The following EFNA5 variants were observed in gnomAD, a reference collection of about 807,000 sequenced individuals.
EFNA5 encodes the protein ephrin-A5.
A neutral mutation model predicts 22.9 loss-of-function variants in EFNA5; 5 were observed. That is an observed-to-expected ratio of 0.22 (90% CI 0.11 to 0.46). EFNA5 has a LOEUF of 0.46. Ranked by LOEUF, EFNA5 falls within the 20% of genes least tolerant of loss-of-function variation. The pLI is 0.99. For missense variants in EFNA5, 237 were observed against 293.3 expected (o/e 0.81, Z 1.40); for synonymous variants, 113 against 112.2 (o/e 1.01, Z -0.04).
chr5:107,466,414 T>C (rs1237949288), intron 1 of EFNA5, among the ~76,000 whole-genome samples: 1 of 151,844 alleles, frequency 6.6e-6, no homozygotes, highest in East Asian at 1.9e-4. Context: ...CTGGGAAAGG[T>C]TTCTCTCTCC....
At chr5:107,615,393 G>A (rs977000079) in intron 1 of EFNA5, among the ~76,000 whole-genome samples, 15 of 152,168 alleles carry the variant, frequency 9.9e-5, no homozygotes, top group Middle Eastern at 3.4e-3. Context: ...AAACATTCAG[G>A]GGGAGGGGGG....
chr5:107,663,226 A>G (rs887563868), intron 1 of EFNA5, among the ~76,000 whole-genome samples: 3 of 70,124 alleles, frequency 4.3e-5, no homozygotes, highest in Non-Finnish European at 7.9e-5. Flanking sequence ...CTAGGGGGGA[A>G]AAAAAACACG....
chr5:107,605,669 G>A lies in EFNA5; in HGVS notation c.125+64820C>T, dbSNP rs1394619323. On this transcript the variant is annotated intron_variant, in intron 1 of 4. Coordinates refer to ENST00000333274, the MANE Select transcript of EFNA5 (RefSeq NM_001962.3). ...TTTTTTTGGGGTGCAAAAGTGGTTC[G>A]TTGATCCATATGTATTTCAACAGGC... 2.0e-5 allele frequency among the ~76,000 whole-genome samples: 3 copies of A among 151,330 alleles called. 1 individual carries two copies. The highest frequency in any genetic ancestry group is 4.2e-4 in the South Asian group (2 of 4,810).
At chr5:107,424,428 G>A (rs949296321) in intron 2 of EFNA5, among the ~76,000 whole-genome samples, 1 of 150,780 alleles carries the variant, frequency 6.6e-6, no homozygotes, top group Non-Finnish European at 1.5e-5. Context: ...CTCTTGGCCA[G>A]GCTGGTCTTG....
chr5:107,561,405 A>G (rs145000129), intron 1 of EFNA5, among the ~76,000 whole-genome samples: 3,343 of 152,214 alleles, frequency 0.022, 52 homozygotes, highest in Non-Finnish European at 0.033. Flanking sequence ...GTCTTGCTCT[A>G]TCACCCAGGC....
intron 1 of EFNA5, among the ~76,000 whole-genome samples, chr5:107,484,572 G>A (rs908442973): frequency 1.3e-5 from 2 of 152,186 alleles, no homozygotes; most frequent in African/African-American, 4.8e-5. Context: ...GTGAGCCAAT[G>A]AGACAAACTG....
At chr5:107,501,382 A>T (rs1561414385) in intron 1 of EFNA5, among the ~76,000 whole-genome samples, 1 of 152,200 alleles carries the variant, frequency 6.6e-6, no homozygotes, top group Non-Finnish European at 1.5e-5. Flanking sequence ...AACAATCATT[A>T]TGTGGTTTAA....
chr5:107,585,365 C>T (rs929881120), intron 1 of EFNA5, among the ~76,000 whole-genome samples: 1 of 152,148 alleles, frequency 6.6e-6, no homozygotes, highest in African/African-American at 2.4e-5. Context: ...TCCTTATACC[C>T]TAAATTTCTT....
intron 1 of EFNA5, among the ~76,000 whole-genome samples, chr5:107,549,976 G>A (rs531926433): frequency 6.6e-6 from 1 of 152,240 alleles, no homozygotes; most frequent in Non-Finnish European, 1.5e-5. Flanking sequence ...TAAGGTATTT[G>A]TCTACCTTTC....
At chr5:107,668,183 T>G (rs1008818188) in intron 1 of EFNA5, among the ~76,000 whole-genome samples, 2 of 152,210 alleles carry the variant, frequency 1.3e-5, no homozygotes, top group African/African-American at 4.8e-5. Flanking sequence ...TTGGCCATTA[T>G]CAAACTGATA....
chr5:107,613,810 C>T (rs1749866315), intron 1 of EFNA5, among the ~76,000 whole-genome samples: 2 of 152,056 alleles, frequency 1.3e-5, no homozygotes, highest in African/African-American at 4.8e-5. Flanking sequence ...TCTAACAGCT[C>T]TTCATTTCAA....
At chr5:107,448,069 T>G (rs1379081609) in intron 1 of EFNA5, among the ~76,000 whole-genome samples, 1 of 152,142 alleles carries the variant, frequency 6.6e-6, no homozygotes, top group African/African-American at 2.4e-5. Context: ...GTGCTGGGAT[T>G]ATAGGCATGA....
At chr5:107,618,067 T>C (rs1210548302) in intron 1 of EFNA5, among the ~76,000 whole-genome samples, 1 of 152,128 alleles carries the variant, frequency 6.6e-6, no homozygotes, top group Non-Finnish European at 1.5e-5. Context: ...CAATCTTTCA[T>C]TCATTCATTA....
At chr5:107,399,582 A>T (rs10058412) in intron 2 of EFNA5, among the ~76,000 whole-genome samples, 5,408 of 152,250 alleles carry the variant, frequency 0.036, 330 homozygotes, top group African/African-American at 0.12. Flanking sequence ...TCTTTAAGTA[A>T]TGATAAAAGG....
chr5:107,578,200 G>A (rs1402713793), intron 1 of EFNA5, among the ~76,000 whole-genome samples: 1 of 152,178 alleles, frequency 6.6e-6, no homozygotes, highest in African/African-American at 2.4e-5. Context: ...AGATGCAAAA[G>A]TGTGCCTCTC....
chr5:107,485,071 AT>A, intron 1 of EFNA5, among the ~76,000 whole-genome samples: 1 of 152,136 alleles, frequency 6.6e-6, no homozygotes, highest in Admixed American at 6.5e-5. Context: ...AACAAAGCAG[AT>A]TTTTTTAAAA....
chr5:107,624,046 G>C (rs1236898593), intron 1 of EFNA5, among the ~76,000 whole-genome samples: 1 of 151,572 alleles, frequency 6.6e-6, no homozygotes, highest in Non-Finnish European at 1.5e-5. Context: ...AATATGCAGA[G>C]TTAAGACCCG....
intron 1 of EFNA5, among the ~76,000 whole-genome samples, chr5:107,607,330 T>C (rs1244062949): frequency 1.3e-5 from 2 of 152,108 alleles, no homozygotes; most frequent in Non-Finnish European, 2.9e-5. Flanking sequence ...AAACGGCGAG[T>C]AGGCTAACTC....
intron 1 of EFNA5, among the ~76,000 whole-genome samples, chr5:107,585,339 G>C (rs760266069): frequency 4.6e-5 from 7 of 152,060 alleles, no homozygotes; most frequent in Non-Finnish European, 8.8e-5. Flanking sequence ...CTACATCAAG[G>C]GCACAAAGGA....
Sources: allele counts gnomAD v4.1 joint callset (sites outside exome capture counted in the v4.1 genomes callset), GRCh38; gene constraint gnomAD v4.1.1; transcripts MANE v1.5; gene names NCBI Gene and HGNC (gene_info 2026-07-23, HGNC 2026-07-21).